Variants in SEPTIN9 observed in about 807,000 individuals in gnomAD.
SEPTIN9 encodes septin 9, also known as septin-9.
In SEPTIN9, 13 loss-of-function variants were observed where a neutral mutation model predicts 56.6. That is an observed-to-expected ratio of 0.23 (90% CI 0.15 to 0.37). SEPTIN9 has a LOEUF of 0.37. SEPTIN9 is among the 10% of genes least tolerant of loss of function. The pLI is 1.00. For missense variants in SEPTIN9, 650 were observed against 823.1 expected (o/e 0.79, Z 2.57); for synonymous variants, 332 against 334.1 (o/e 0.99, Z 0.07).
At chr17:77,351,561 C>T (rs551169420) in intron 2 of SEPTIN9, among the ~76,000 whole-genome samples, 14 of 152,340 alleles carry the variant, frequency 9.2e-5, no homozygotes, top group African/African-American at 2.6e-4. Context: ...AGGCCCTCCT[C>T]TGTGTGAGCT....
At chr17:77,403,836 A>G (rs1163917920) in intron 3 of SEPTIN9, among the ~76,000 whole-genome samples, 1 of 152,196 alleles carries the variant, frequency 6.6e-6, no homozygotes, top group Non-Finnish European at 1.5e-5. Flanking sequence ...GGCATTCAGT[A>G]CATTCACGGT....
At position 77,499,152 on chromosome 17, in the gene SEPTIN9, C is replaced by T. The variant is rs769600374; in HGVS notation, c.*494C>T. 28 of 536,736 alleles carry T rather than the reference C, an allele frequency of 5.2e-5. No homozygotes were observed. Among genetic ancestry groups the T allele is most frequent in the South Asian group, 1.2e-4 (8 of 65,282 alleles). The allele number at this position is 536,736 out of a possible 1,614,324, so 33.2% of individuals were successfully genotyped here. A position where few individuals can be genotyped will look rare whatever the true frequency, so the allele number is the denominator to read the frequency against. On this transcript the variant is annotated 3_prime_UTR_variant, in exon 12 of 12. Transcript: ENST00000427177. ...ACCAGGAGCACCTGGACCCCCTGCC[C>T]GCCACATGGTGTGGCCATCACTCAG...
In SEPTIN9 at chr17:77,330,462, C is replaced by T. The variant is rs1189159094; in HGVS notation, c.76+23265C>T. 3.9e-5 allele frequency among the ~76,000 whole-genome samples: 6 copies of T among 152,218 alleles called. No homozygotes were observed. The highest frequency in any genetic ancestry group is 2.6e-4 in the Admixed American group (4 of 15,290). ...TCTCACCAGCTCCTGAGTTTTGGCG[C>T]TGCTCTTGGCGATGGCGTGGACTCA... On this transcript the variant is annotated intron_variant, in intron 2 of 11. Transcript: ENST00000427177. The surrounding 1 kb of genome is among the most constrained non-coding windows in gnomAD (Gnocchi z 4.4).
intron 3 of SEPTIN9, among the ~76,000 whole-genome samples, chr17:77,480,665 C>T (rs972486932): frequency 3.3e-5 from 5 of 152,186 alleles, no homozygotes; most frequent in African/African-American, 1.2e-4. Context: ...GCTCCCACGC[C>T]GGCTCCACTC....
intron 2 of SEPTIN9, among the ~76,000 whole-genome samples, chr17:77,379,658 C>G (rs539205350): frequency 1.3e-5 from 2 of 152,222 alleles, no homozygotes; most frequent in Non-Finnish European, 2.9e-5. Flanking sequence ...CAGGGCCTCA[C>G]TGTTGCCATC....
chr17:77,322,246 C>T (rs1487228493), intron 2 of SEPTIN9, among the ~76,000 whole-genome samples: 7 of 152,166 alleles, frequency 4.6e-5, no homozygotes, highest in South Asian at 4.1e-4. Context: ...TCACAAAACA[C>T]GGGCTTTTCA....
At chr17:77,444,552 G>A (rs920788776) in intron 3 of SEPTIN9, among the ~76,000 whole-genome samples, 1 of 152,062 alleles carries the variant, frequency 6.6e-6, no homozygotes, top group South Asian at 2.1e-4. Flanking sequence ...GAGGCAAGAT[G>A]TGGAGAGGCA....
At chr17:77,377,435 T>G (rs1429450878) in intron 2 of SEPTIN9, among the ~76,000 whole-genome samples, 1 of 152,136 alleles carries the variant, frequency 6.6e-6, no homozygotes, top group East Asian at 1.9e-4. Flanking sequence ...GTTGGCCTGC[T>G]TTGCTCAGCG....
intron 3 of SEPTIN9, among the ~76,000 whole-genome samples, chr17:77,422,639 T>C (rs925163653): frequency 1.3e-5 from 2 of 152,162 alleles, no homozygotes; most frequent in Non-Finnish European, 2.9e-5. Context: ...GCCGGGCTAA[T>C]GGTCACCTCG....
chr17:77,296,761 G>A lies in SEPTIN9; in HGVS notation c.20-10380G>A, dbSNP rs187293148. On this transcript the variant is annotated intron_variant, in intron 1 of 11. Coordinates refer to ENST00000427177, the MANE Select transcript of SEPTIN9 (RefSeq NM_001113491.2). The stretch of plus-strand genomic sequence containing the variant: ...CCAGCCACTCGGGAGGCTGAGGCAC[G>A]AGAATCACTTGAACCTGGGAGGTGG... Among the ~76,000 whole-genome samples, 90 of 152,316 alleles carry A rather than the reference G, an allele frequency of 5.9e-4. 1 individual carries two copies. In the East Asian group the frequency reaches 7.9e-3, roughly 13 times the overall value.
intron 1 of SEPTIN9, among the ~76,000 whole-genome samples, chr17:77,296,918 GTAGA>G (rs2031844106): frequency 1.3e-5 from 2 of 152,018 alleles, no homozygotes; most frequent in Non-Finnish European, 2.9e-5. Context: ...TGGATGATAG[GTAGA>G]TAGATAATTG....
At chr17:77,320,893 A>G (rs1355191046) in intron 2 of SEPTIN9, among the ~76,000 whole-genome samples, 4 of 152,188 alleles carry the variant, frequency 2.6e-5, no homozygotes, top group Non-Finnish European at 4.4e-5. Context: ...GTGTGTGTGC[A>G]TGTGTGTGCG....
intron 2 of SEPTIN9, among the ~76,000 whole-genome samples, chr17:77,325,588 A>G (rs2033104076): frequency 6.6e-6 from 1 of 151,964 alleles, no homozygotes; most frequent in Non-Finnish European, 1.5e-5. Flanking sequence ...TGCCCTGCGG[A>G]CATGCCCCTT....
chr17:77,440,649 A>G (rs1356679504), intron 3 of SEPTIN9, among the ~76,000 whole-genome samples: 1 of 152,192 alleles, frequency 6.6e-6, no homozygotes, highest in Non-Finnish European at 1.5e-5. Flanking sequence ...ACGCTCCCAC[A>G]GAAGCAGGGA....
rs886053495 is a variant in SEPTIN9, at chr17:77,499,561, C to T, written c.*903C>T. On this transcript the variant is annotated 3_prime_UTR_variant, in exon 12 of 12. Transcript: ENST00000427177. ...TGGAAGGTGCCAGAAGGAAGGTTGGCGGGGGCACGTGTGGGCCGTGGCTTG... is the reference window on the plus strand; with the variant it reads ...TGGAAGGTGCCAGAAGGAAGGTTGGTGGGGGCACGTGTGGGCCGTGGCTTG... 7.1e-4 allele frequency: 320 copies of T among 453,696 alleles called. 1 individual carries two copies. Among genetic ancestry groups the T allele is most frequent in the South Asian group, 2.6e-3 (135 of 51,518 alleles). The allele number at this position is 453,696 out of a possible 1,614,324, so 28.1% of individuals were successfully genotyped here.
chr17:77,373,690 C>G (rs2034806079), intron 2 of SEPTIN9: 2 of 1,376,556 alleles, frequency 1.5e-6, no homozygotes, highest in African/African-American at 3.0e-5. Flanking sequence ...CAGGCGCCCT[C>G]CCGCTGAGAG....
intron 2 of SEPTIN9, among the ~76,000 whole-genome samples, chr17:77,347,355 G>A (rs1440803138): frequency 3.3e-5 from 5 of 149,600 alleles, no homozygotes; most frequent in African/African-American, 9.9e-5. Context: ...TCCAGCCTGG[G>A]CAACAAGAGT....
intron 3 of SEPTIN9, among the ~76,000 whole-genome samples, chr17:77,468,848 TGA>T (rs1302771039): frequency 4.0e-5 from 6 of 150,848 alleles, no homozygotes; most frequent in Non-Finnish European, 8.8e-5. Context: ...TTAACATTGA[TGA>T]GAGTTTGGGA....
Position 77,475,743 on chromosome 17 carries a change from C to A in SEPTIN9, c.722-6401C>A, listed in dbSNP as rs1477336359. On this transcript the variant is annotated intron_variant, in intron 3 of 11. Coordinates refer to ENST00000427177, the MANE Select transcript of SEPTIN9 (RefSeq NM_001113491.2). This position sits in a 1 kb window ranked among gnomAD's most constrained non-coding sequence, Gnocchi z 4.6. ...GGGGCAAGGGCACCAGCTGTAGATG[C>A]CGGCAGCTTTCTCCTGGACACGGGC... 1 of 1,613,000 alleles carries A rather than the reference C, an allele frequency of 6.2e-7. No individual in the cohort carries two copies. Among genetic ancestry groups the A allele is most frequent in the Non-Finnish European group, 8.5e-7 (1 of 1,179,890 alleles).
Sources: gnomAD v4.1 joint callset for allele counts (sites outside exome capture counted in the v4.1 genomes callset) on GRCh38, gnomAD v4.1.1 for gene constraint, Gnocchi (gnomAD v3.1) non-coding constraint, MANE v1.5 for transcripts, NCBI Gene and HGNC (gene_info 2026-07-23, HGNC 2026-07-21) for gene names.